GLOD4: variants seen among roughly 807,000 people sequenced by gnomAD.
GLOD4 encodes the protein glyoxalase domain containing 4, also known as glyoxalase domain-containing protein 4.
A neutral mutation model predicts 39.1 loss-of-function variants in GLOD4; 44 were observed. That is an observed-to-expected ratio of 1.13 (90% CI 0.88 to 1.45). The LOEUF (loss-of-function observed/expected upper bound fraction) is 1.45. Ranked by LOEUF, GLOD4 falls within the 40% of genes most tolerant of loss-of-function variation. The pLI is 0.00. For synonymous variants in GLOD4, 145 were observed against 135.0 expected (o/e 1.07, Z -0.52); for missense variants, 405 against 366.4 (o/e 1.11, Z -0.86).
At chr17:767,888 TAA>T (rs140928088) in intron 8 of GLOD4, among the ~76,000 whole-genome samples, 7 of 128,782 alleles carry the variant, frequency 5.4e-5, no homozygotes, top group Non-Finnish European at 7.9e-5. Flanking sequence ...GGAGAGGACG[TAA>T]GAGAGAGAAA....
intron 1 of GLOD4, 51 bp downstream of exon 1, chr17:782,115 G>A: frequency 1.4e-6 from 2 of 1,398,680 alleles, no homozygotes; most frequent in South Asian, 1.3e-5. Context: ...GGGCCGGCTC[G>A]GGCGCCGGTT....
intron 8 of GLOD4, among the ~76,000 whole-genome samples, chr17:769,323 G>A (rs998100943): frequency 6.7e-6 from 1 of 149,792 alleles, no homozygotes; most frequent in Non-Finnish European, 1.5e-5. Context: ...AAGAGCTGAG[G>A]GGATGGGATG....
chr17:761,403 T>C (rs1194313662), intron 8 of GLOD4, among the ~76,000 whole-genome samples: 1 of 152,200 alleles, frequency 6.6e-6, no homozygotes, highest in African/African-American at 2.4e-5. Flanking sequence ...ATCAAAGATA[T>C]GCTTAAAAAA....
At chr17:780,013 A>G (rs1567796187) in intron 1 of GLOD4, among the ~76,000 whole-genome samples, 1 of 152,010 alleles carries the variant, frequency 6.6e-6, no homozygotes. Context: ...AAATACAAAA[A>G]ATAAGCAGGG....
In GLOD4 at chr17:775,789, C is replaced by T; in HGVS notation, c.392G>A (p.Ser131Asn). Residue 131 changes from serine (S) to asparagine (N), a missense_variant, in exon 4 of 9, where the codon AGT becomes AAT. Coordinates refer to ENST00000301329, the MANE Select transcript of GLOD4 (RefSeq NM_016080.4). ...GGYKFYLQNR[S>N]LPQSDPVLKV... ...GGTATAATTACCTGACTGAGGCAGA[C>T]TGCGATTCTGCAAATAGAACTTATA... 6.2e-7 allele frequency: 1 copy of T among 1,613,934 alleles called. No individual in the cohort carries two copies.
chr17:780,981 T>C lies in GLOD4; in HGVS notation c.90+1185A>G, dbSNP rs555133175. On this transcript the variant is annotated intron_variant, in intron 1 of 8. Transcript: ENST00000301329. Reference sequence around the variant, plus strand: ...CGTCATCCAGGCTGGAACACAATGGTGCGATCTCGGCTCACTGCAACCTCC... The same window carrying C: ...CGTCATCCAGGCTGGAACACAATGGCGCGATCTCGGCTCACTGCAACCTCC... Among the ~76,000 whole-genome samples, 288 of 146,144 alleles carry C rather than the reference T, an allele frequency of 2.0e-3. 1 individual carries two copies. The highest frequency in any genetic ancestry group is 7.1e-3 in the African/African-American group (280 of 39,334).
intron 4 of GLOD4, among the ~76,000 whole-genome samples, chr17:771,693 C>A (rs1014300499): frequency 6.6e-6 from 1 of 152,112 alleles, no homozygotes; most frequent in Non-Finnish European, 1.5e-5. Flanking sequence ...AACACTGAGA[C>A]CTTGCCTGTA....
At chr17:783,785 T>C (rs1165421917), upstream of GLOD4, among the ~76,000 whole-genome samples, 1 of 152,236 alleles carries the variant, frequency 6.6e-6, no homozygotes, top group Non-Finnish European at 1.5e-5. Flanking sequence ...CAATGGAAAT[T>C]GAAACCCGTT....
chr17:763,833 G>A (rs1418108862), intron 8 of GLOD4: 1 of 152,190 alleles, frequency 6.6e-6, no homozygotes, highest in African/African-American at 2.4e-5. Flanking sequence ...TCTGGACAGA[G>A]AAAGTGCTAC....
chr17:776,970 C>T lies in GLOD4; in HGVS notation c.159G>A (p.Trp53Ter), dbSNP rs1161273385. ...GCCCAAATCCCACCATTGTTTTACT[C>T]CATTTCCCATCATAAGGCCTAGAAA... ...AACNGPYDGK[W>*]SKTMVGFGPE... Residue 53 changes from tryptophan to a stop codon, truncating the protein, a stop_gained, in exon 3 of 9, where the codon TGG becomes TGA. Transcript: ENST00000301329. LOFTEE classifies it high-confidence loss of function. 6.2e-7 allele frequency: 1 copy of T among 1,608,704 alleles called. No individual in the cohort carries two copies. Among genetic ancestry groups the T allele is most frequent in the African/African-American group, 1.3e-5 (1 of 74,944 alleles).
chr17:776,352 G>A (rs1908952207), intron 3 of GLOD4, among the ~76,000 whole-genome samples: 1 of 152,206 alleles, frequency 6.6e-6, no homozygotes, highest in South Asian at 2.1e-4. Flanking sequence ...TGTGCTTTGA[G>A]AAGACCAGCC....
intron 2 of GLOD4, chr17:778,157 G>A (rs533581429): frequency 4.8e-5 from 8 of 165,826 alleles, no homozygotes; most frequent in African/African-American, 1.9e-4. Flanking sequence ...GTAAATGTAA[G>A]TAAGTGTTTC....
chr17:783,072 TCC>T (rs1597592959), upstream of GLOD4: 1 of 1,574,368 alleles, frequency 6.4e-7, no homozygotes. Context: ...TTTTTTTATT[TCC>T]ATCTACAGCA....
chr17:778,566 G>A, intron 2 of GLOD4, 129 bp downstream of exon 2: 1 of 727,714 alleles, frequency 1.4e-6, no homozygotes, highest in South Asian at 1.4e-5. Context: ...CGACGCTCCT[G>A]AAGTTGCCTC....
chr17:784,406 A>G (rs56126138), upstream of GLOD4, among the ~76,000 whole-genome samples: 6,077 of 152,272 alleles, frequency 0.04, 158 homozygotes, highest in Middle Eastern at 0.13. Context: ...CCTCTAATCC[A>G]CACGCCATGC....
intron 1 of GLOD4, among the ~76,000 whole-genome samples, chr17:779,319 TAAAA>T (rs34487169): frequency 3.2e-4 from 14 of 43,368 alleles, no homozygotes; most frequent in African/African-American, 1.4e-3. Context: ...CATCTCAAAT[TAAAA>T]AAAAAAAAAA....
intron 1 of GLOD4, 186 bp from the exon 2 acceptor site, chr17:778,930 A>G: frequency 1.7e-6 from 1 of 581,562 alleles, no homozygotes; most frequent in Non-Finnish European, 3.1e-6. Context: ...GCTTGACACC[A>G]AGGGTCAGGC....
At chr17:785,762 C>T (rs1366693895), upstream of GLOD4, among the ~76,000 whole-genome samples, 2 of 152,080 alleles carry the variant, frequency 1.3e-5, no homozygotes, top group African/African-American at 4.8e-5. Context: ...ATTCTTTTTC[C>T]TAGGAATGTA....
intron 8 of GLOD4, 110 bp from the exon 9 acceptor site, chr17:760,348 A>G: frequency 1.5e-6 from 1 of 670,114 alleles, no homozygotes; most frequent in Non-Finnish European, 2.7e-6. Context: ...AACATTAAAA[A>G]AAGGACCCAA....
Sources: gnomAD v4.1 joint callset for allele counts (sites outside exome capture counted in the v4.1 genomes callset) on GRCh38, gnomAD v4.1.1 for gene constraint, MANE v1.5 for transcripts, NCBI Gene and HGNC (gene_info 2026-07-23, HGNC 2026-07-21) for gene names.